C1orf105: variants seen among roughly 807,000 people sequenced by gnomAD.
The protein encoded by C1orf105 is chromosome 1 open reading frame 105, also known as uncharacterized protein C1orf105.
Under a neutral mutation model 20.8 loss-of-function variants are expected in C1orf105, and 17 were observed. The observed-to-expected ratio is 0.82, with a 90% CI of 0.56 to 1.23. C1orf105 has a LOEUF of 1.23. Among genes scored for constraint, C1orf105 ranks in the 50% most tolerant of loss-of-function variants. The probability of loss-of-function intolerance (pLI) is 0.00; values close to 1 mark genes in which losing one functional copy is unlikely to be tolerated. For missense variants in C1orf105, 219 were observed against 213.5 expected (o/e 1.03, Z -0.16); for synonymous variants, 72 against 72.1 (o/e 1.00, Z 0.01).
chr1:172,428,922 A>G (rs2071791004), intron 1 of C1orf105: 2 of 615,316 alleles, frequency 3.3e-6, no homozygotes, highest in Middle Eastern at 2.6e-4. Context: ...AGGGAAGCTT[A>G]TGTAGATACT....
chr1:172,465,321 T>C lies in C1orf105; in HGVS notation c.364T>C (p.Phe122Leu). ...CAGAATGAGTCTTCATCAACCCAAATTCCAGACTACACCTGAGCCTTTCCA... is the reference window on the plus strand; with the variant it reads ...CAGAATGAGTCTTCATCAACCCAAACTCCAGACTACACCTGAGCCTTTCCA... ...SYRMSLHQPKFQTTPEPFHDD... is the reference protein window; with the variant it reads ...SYRMSLHQPKLQTTPEPFHDD... The change falls in exon 6 of 7, where the codon TTC becomes CTC. Residue 122 changes from phenylalanine (F) to leucine (L), a missense_variant. By Grantham distance (22) the Phe-to-Leu change is conservative. Coordinates refer to ENST00000367727, the MANE Select transcript of C1orf105 (RefSeq NM_139240.4). The C allele has an allele frequency of 6.2e-7, 1 of 1,613,236 alleles. No homozygotes were observed.
In C1orf105 at chr1:172,456,500, G is replaced by T. The variant is rs78728841; in HGVS notation, c.273+11G>T. On this transcript the variant is annotated intron_variant, in intron 4 of 6. Transcript: ENST00000367727. ...CAAGAAATGAAAATGGTAGGCAAGG[G>T]GGAAGACAGAAATGGGCACAGGCAT... 1.9e-6 allele frequency: 3 copies of T among 1,611,842 alleles called. No individual in the cohort carries two copies. Among genetic ancestry groups the T allele is most frequent in the Non-Finnish European group, 2.5e-6 (3 of 1,179,426 alleles).
intron 1 of C1orf105, among the ~76,000 whole-genome samples, chr1:172,426,499 C>G (rs905225294): frequency 9.2e-5 from 14 of 152,064 alleles, no homozygotes; most frequent in African/African-American, 3.4e-4. Flanking sequence ...TGGGGATTTT[C>G]ATACGCTTCT....
chr1:172,442,788 A>G, intron 1 of C1orf105: 2 of 621,588 alleles, frequency 3.2e-6, no homozygotes, highest in South Asian at 4.3e-5. Flanking sequence ...TAGGCCTACA[A>G]TAGATGAATT....
intron 1 of C1orf105, chr1:172,442,154 G>A: frequency 6.2e-7 from 1 of 1,614,222 alleles, no homozygotes; most frequent in Non-Finnish European, 8.5e-7. Context: ...TGGCCTAACA[G>A]CATGAAGACT....
chr1:172,450,193 T>C (rs1648460717), intron 3 of C1orf105, among the ~76,000 whole-genome samples: 1 of 152,190 alleles, frequency 6.6e-6, no homozygotes, highest in South Asian at 2.1e-4. Context: ...CCAAATAGGT[T>C]GCTCTTATTG....
At chr1:172,450,820 A>G (rs739249) in intron 3 of C1orf105, among the ~76,000 whole-genome samples, 126,079 of 152,192 alleles carry the variant, frequency 0.83, 52,472 homozygotes, top group East Asian at 1. Context: ...CAATAACAGG[A>G]AGAGGGAGAC....
At chr1:172,428,168 CTT>C (rs2071771761) in intron 1 of C1orf105, among the ~76,000 whole-genome samples, 1 of 152,162 alleles carries the variant, frequency 6.6e-6, no homozygotes, top group East Asian at 1.9e-4. Context: ...GCCCCACTGT[CTT>C]TACTTTCAAA....
chr1:172,467,087 T>C (rs544568553), intron 6 of C1orf105, among the ~76,000 whole-genome samples: 2 of 152,276 alleles, frequency 1.3e-5, no homozygotes, highest in East Asian at 3.9e-4. Flanking sequence ...AGCTAGACCT[T>C]CAGCACAAGT....
chr1:172,436,651 T>C (rs928077823), intron 1 of C1orf105, among the ~76,000 whole-genome samples: 1 of 152,192 alleles, frequency 6.6e-6, no homozygotes, highest in Non-Finnish European at 1.5e-5. Context: ...AGAAGAAAGC[T>C]AGGTAATACC....
intron 3 of C1orf105, 59 bp downstream of exon 3, chr1:172,448,590 T>C: frequency 1.1e-6 from 1 of 943,604 alleles, no homozygotes; most frequent in Non-Finnish European, 1.7e-6. Flanking sequence ...ACATAGAATA[T>C]GAATACATGT....
At chr1:172,466,659 AT>A (rs1383595289) in intron 6 of C1orf105, among the ~76,000 whole-genome samples, 4 of 151,834 alleles carry the variant, frequency 2.6e-5, no homozygotes, top group Non-Finnish European at 5.9e-5. Flanking sequence ...GCAAGAATAT[AT>A]TTTTTGGTCC....
At position 172,429,114 on chromosome 1, in the gene C1orf105, G is replaced by A. The variant is rs1573828771; in HGVS notation, c.21+8208G>A. Among the ~76,000 whole-genome samples the A allele has an allele frequency of 2.6e-5, 4 of 152,324 alleles. No homozygotes were observed. The South Asian group carries it at 8.3e-4, about 32-fold the overall frequency. ...TAAGAAAAGCAAAGTATTAGCCCAAGTTGGTAACATAGCCTTAGGCAATAC... is the reference window on the plus strand; with the variant it reads ...TAAGAAAAGCAAAGTATTAGCCCAAATTGGTAACATAGCCTTAGGCAATAC... On this transcript the variant is annotated intron_variant, in intron 1 of 6. Transcript: ENST00000367727.
At chr1:172,447,230 A>T (rs750977671) in intron 2 of C1orf105, among the ~76,000 whole-genome samples, 1 of 152,250 alleles carries the variant, frequency 6.6e-6, no homozygotes, top group Non-Finnish European at 1.5e-5. Context: ...GTTCTAATGC[A>T]GAACAGTCTG....
At position 172,458,362 on chromosome 1, in the gene C1orf105, A is replaced by G. The variant is rs150182742; in HGVS notation, c.273+1873A>G. On this transcript the variant is annotated intron_variant, in intron 4 of 6. Transcript: ENST00000367727. ...AAACTATTAGAGCTAATAAATGAGT[A>G]CAGCAGTGTTGAGGATACAAGATCA... Among the ~76,000 whole-genome samples, 1,018 of 152,366 alleles carry G rather than the reference A, an allele frequency of 6.7e-3. 14 individuals are homozygous for G. Among genetic ancestry groups the G allele is most frequent in the African/African-American group, 0.023 (972 of 41,584 alleles).
intron 6 of C1orf105, among the ~76,000 whole-genome samples, chr1:172,466,158 A>G (rs1162709667): frequency 6.6e-6 from 1 of 152,200 alleles, no homozygotes; most frequent in Admixed American, 6.5e-5. Flanking sequence ...CCAGAACTGA[A>G]AAGATTTCTA....
At chr1:172,437,761 C>A (rs1172930435) in intron 1 of C1orf105, among the ~76,000 whole-genome samples, 1 of 126,102 alleles carries the variant, frequency 7.9e-6, no homozygotes, top group Non-Finnish European at 1.8e-5. Flanking sequence ...TAATAATAAA[C>A]AAAACGATTT....
intron 1 of C1orf105, among the ~76,000 whole-genome samples, chr1:172,440,231 T>C (rs1018837411): frequency 6.6e-6 from 1 of 152,238 alleles, no homozygotes; most frequent in African/African-American, 2.4e-5. Context: ...AAGGACAGTA[T>C]AGAAACTTGC....
At chr1:172,435,992 T>A (rs1224842227) in intron 1 of C1orf105, among the ~76,000 whole-genome samples, 1 of 152,190 alleles carries the variant, frequency 6.6e-6, no homozygotes, top group African/African-American at 2.4e-5. Context: ...CATTCACAAT[T>A]GCTACAAAGA....
Sources: allele counts gnomAD v4.1 joint callset (sites outside exome capture counted in the v4.1 genomes callset), GRCh38; gene constraint gnomAD v4.1.1; transcripts MANE v1.5; gene names NCBI Gene and HGNC (gene_info 2026-07-23, HGNC 2026-07-21).